MAMDC2: variants seen among roughly 807,000 people sequenced by gnomAD.
The protein encoded by MAMDC2 is MAM domain-containing protein 2.
Under a neutral mutation model 89.8 loss-of-function variants are expected in MAMDC2, and 57 were observed. The observed-to-expected ratio is 0.63, with a 90% CI of 0.51 to 0.79. The LOEUF (loss-of-function observed/expected upper bound fraction) is 0.79, where lower values mean the gene tolerates loss of function less well. Among genes scored for constraint, MAMDC2 ranks in the 30% least tolerant of loss-of-function variants. The probability of loss-of-function intolerance (pLI) is 0.00; values close to 1 mark genes in which losing one functional copy is unlikely to be tolerated. For synonymous variants in MAMDC2, 313 were observed against 293.4 expected (o/e 1.07, Z -0.68); for missense variants, 800 against 820.6 (o/e 0.97, Z 0.31).
At chr9:70,159,852 T>C (rs2031903189) in intron 9 of MAMDC2, among the ~76,000 whole-genome samples, 1 of 152,148 alleles carries the variant, frequency 6.6e-6, no homozygotes, top group Admixed American at 6.5e-5. Context: ...AGAAACCACA[T>C]TGTATTTTTA....
At chr9:70,213,478 A>AACTT (rs1159989170) in intron 11 of MAMDC2, among the ~76,000 whole-genome samples, 1 of 152,170 alleles carries the variant, frequency 6.6e-6, no homozygotes, top group African/African-American at 2.4e-5. Context: ...CCATGTTACT[A>AACTT]ACTTATGTGT....
At chr9:70,208,657 C>T (rs1469112463) in intron 11 of MAMDC2, among the ~76,000 whole-genome samples, 6 of 152,238 alleles carry the variant, frequency 3.9e-5, no homozygotes, top group Non-Finnish European at 8.8e-5. Flanking sequence ...CTGGCCAGAA[C>T]TTCCAACACT....
At chr9:70,110,735 C>T (rs935782777) in intron 4 of MAMDC2, among the ~76,000 whole-genome samples, 6 of 152,080 alleles carry the variant, frequency 3.9e-5, no homozygotes, top group African/African-American at 1.4e-4. Context: ...CCAGCTGCCA[C>T]GTGGAAAATG....
intron 11 of MAMDC2, among the ~76,000 whole-genome samples, chr9:70,190,227 GT>G (rs1212263642): frequency 4.6e-5 from 7 of 151,956 alleles, no homozygotes; most frequent in Non-Finnish European, 7.4e-5. Context: ...TCTCCCCATA[GT>G]TTTTTTGTTA....
intron 3 of MAMDC2, 113 bp downstream of exon 3, chr9:70,108,595 G>A: frequency 1.1e-6 from 1 of 919,158 alleles, no homozygotes; most frequent in Non-Finnish European, 1.6e-6. Flanking sequence ...ATTATGACGT[G>A]ATGTTTCATA....
chr9:70,206,042 T>C (rs1416143148), intron 11 of MAMDC2, among the ~76,000 whole-genome samples: 1 of 152,246 alleles, frequency 6.6e-6, no homozygotes, highest in East Asian at 1.9e-4. Flanking sequence ...GGGCATACTC[T>C]GATTCATTGG....
chr9:70,224,564 A>G (rs2033615639), intron 12 of MAMDC2, among the ~76,000 whole-genome samples: 1 of 152,192 alleles, frequency 6.6e-6, no homozygotes, highest in Non-Finnish European at 1.5e-5. Flanking sequence ...CGGGTGTCCC[A>G]GTTACAGAAG....
chr9:70,093,937 G>C (rs1306914409), intron 2 of MAMDC2: 1 of 152,108 alleles, frequency 6.6e-6, no homozygotes, highest in Non-Finnish European at 1.5e-5. Context: ...TTTCATTGTG[G>C]GTTCATCACT....
At chr9:70,165,211 A>G (rs1249656891) in intron 9 of MAMDC2, among the ~76,000 whole-genome samples, 1 of 152,176 alleles carries the variant, frequency 6.6e-6, no homozygotes, top group East Asian at 1.9e-4. Flanking sequence ...GAACAGGACA[A>G]GATGTTTGAC....
rs368300863 is a variant in MAMDC2, at chr9:70,209,710, A to C, written c.1652-8627A>C. On this transcript the variant is annotated intron_variant, in intron 11 of 13. Transcript: ENST00000377182. ...TGTGTTTGCTCTTGCTTCTCTAGTTATTTTAATTGTGATGTTAGGGTGTCA... is the reference window on the plus strand; with the variant it reads ...TGTGTTTGCTCTTGCTTCTCTAGTTCTTTTAATTGTGATGTTAGGGTGTCA... 1.1e-4 allele frequency among the ~76,000 whole-genome samples: 17 copies of C among 151,926 alleles called. No homozygotes were observed. The East Asian group carries it at 1.5e-3, about 14-fold the overall frequency.
chr9:70,208,479 A>AT, intron 11 of MAMDC2, among the ~76,000 whole-genome samples: 1 of 152,244 alleles, frequency 6.6e-6, no homozygotes, highest in African/African-American at 2.4e-5. Context: ...TTGCACATTG[A>AT]TTTTGTATCC....
chr9:70,188,870 G>T (rs542990342), intron 11 of MAMDC2: 12 of 142,878 alleles, frequency 8.4e-5, no homozygotes, highest in African/African-American at 3.1e-4. Context: ...CTCCCAAAGT[G>T]CTGGGATTCA....
intron 11 of MAMDC2, among the ~76,000 whole-genome samples, chr9:70,174,203 A>G (rs932355632): frequency 6.6e-6 from 1 of 152,226 alleles, no homozygotes; most frequent in African/African-American, 2.4e-5. Context: ...TCCTTCATTC[A>G]GCAAATAGCT....
chr9:70,086,238 T>C lies in MAMDC2; in HGVS notation c.149-21973T>C, dbSNP rs533096330. On this transcript the variant is annotated intron_variant, in intron 2 of 13. Transcript: ENST00000377182. ...TATATTTTACTGTAATGATAATTTATATTTTATAAAAATACTGTTATATGC... is the reference window on the plus strand; with the variant it reads ...TATATTTTACTGTAATGATAATTTACATTTTATAAAAATACTGTTATATGC... The C allele has an allele frequency of 3.7e-3, 533 of 144,058 alleles. 5 individuals carry two copies. Among genetic ancestry groups the C allele is most frequent in the African/African-American group, 0.014 (513 of 35,654 alleles). 8.9% of individuals were successfully genotyped at this position (144,058 alleles called of 1,614,324 possible). A position where few individuals can be genotyped will look rare whatever the true frequency, so the allele number is the denominator to read the frequency against.
At chr9:70,107,437 CAG>C (rs1828371823) in intron 2 of MAMDC2, among the ~76,000 whole-genome samples, 2 of 151,996 alleles carry the variant, frequency 1.3e-5, no homozygotes, top group South Asian at 4.2e-4. Flanking sequence ...AAGGAGGAAA[CAG>C]GGAATCCGAA....
chr9:70,059,102 T>C (rs1291569007), intron 2 of MAMDC2, among the ~76,000 whole-genome samples: 1 of 152,166 alleles, frequency 6.6e-6, no homozygotes, highest in African/African-American at 2.4e-5. Flanking sequence ...GAAAATGTAA[T>C]ATTTGCCTGC....
At chr9:70,166,281 A>G (rs2032170881) in intron 9 of MAMDC2, among the ~76,000 whole-genome samples, 1 of 63,728 alleles carries the variant, frequency 1.6e-5, no homozygotes, top group Non-Finnish European at 3.9e-5. Context: ...ATATATACAC[A>G]CACACACACA....
chr9:70,104,998 ATTT>A (rs61167412), intron 2 of MAMDC2, among the ~76,000 whole-genome samples: 9,651 of 152,048 alleles, frequency 0.063, 966 homozygotes, highest in African/African-American at 0.21. Flanking sequence ...TAAATAAAAC[ATTT>A]TTTTACACCC....
At chr9:70,151,670 C>A (rs763536015) in intron 9 of MAMDC2, among the ~76,000 whole-genome samples, 8 of 152,130 alleles carry the variant, frequency 5.3e-5, no homozygotes, top group Non-Finnish European at 8.8e-5. Context: ...CCTGTTCTTG[C>A]GCACCTGGAG....
Sources: gnomAD v4.1 joint callset for allele counts (sites outside exome capture counted in the v4.1 genomes callset) on GRCh38, gnomAD v4.1.1 for gene constraint, MANE v1.5 for transcripts, NCBI Gene and HGNC (gene_info 2026-07-23, HGNC 2026-07-21) for gene names.